ERC1: variants seen among roughly 807,000 people sequenced by gnomAD.
ERC1 encodes RAB6 interacting protein 2.
Under a neutral mutation model 132.0 loss-of-function variants are expected in ERC1, and 56 were observed. That is an observed-to-expected ratio of 0.42 (90% CI 0.34 to 0.53). ERC1 has a LOEUF of 0.53. Ranked by LOEUF, ERC1 falls within the 20% of genes least tolerant of loss-of-function variation. The pLI is 0.03. For missense variants in ERC1, 1,202 were observed against 1,349.9 expected (o/e 0.89, Z 1.72); for synonymous variants, 478 against 476.1 (o/e 1.00, Z -0.05).
intron 2 of ERC1, among the ~76,000 whole-genome samples, chr12:1,039,296 C>T (rs1370411583): frequency 1.3e-5 from 2 of 149,410 alleles, no homozygotes; most frequent in Non-Finnish European, 3.0e-5. Flanking sequence ...GAAATCGCAC[C>T]ACTGCACTCC....
chr12:1,078,550 G>A (rs1293979034), intron 2 of ERC1, among the ~76,000 whole-genome samples: 1 of 151,346 alleles, frequency 6.6e-6, no homozygotes, highest in Non-Finnish European at 1.5e-5. Context: ...TACCCAAACC[G>A]GAAATGATAA....
chr12:1,247,072 TGAGCCCAG>T (rs2076199851), intron 13 of ERC1, among the ~76,000 whole-genome samples: 3 of 144,872 alleles, frequency 2.1e-5, no homozygotes, highest in Non-Finnish European at 4.5e-5. Flanking sequence ...GAGGTTGCAG[TGAGCCCAG>T]GAGTTTGAGG....
chr12:1,262,001 A>G (rs2077173651), intron 13 of ERC1, among the ~76,000 whole-genome samples: 1 of 152,232 alleles, frequency 6.6e-6, no homozygotes, highest in Admixed American at 6.5e-5. Context: ...TTTTGAAGGT[A>G]CAGTTGTCAA....
chr12:1,304,396 G>C (rs922670227), intron 15 of ERC1, among the ~76,000 whole-genome samples: 3 of 152,198 alleles, frequency 2.0e-5, no homozygotes, highest in African/African-American at 7.2e-5. Flanking sequence ...ACTCACATCT[G>C]TTAGGCTAGA....
intron 15 of ERC1, among the ~76,000 whole-genome samples, chr12:1,307,025 C>CCCTA (rs2080934537): frequency 6.6e-6 from 1 of 152,112 alleles, no homozygotes; most frequent in Admixed American, 6.6e-5. Context: ...GCAAGTGAGG[C>CCCTA]CCTAGAGACT....
intron 18 of ERC1, among the ~76,000 whole-genome samples, chr12:1,473,877 T>C (rs80162046): frequency 2.2e-4 from 33 of 152,270 alleles, no homozygotes; most frequent in African/African-American, 7.9e-4. Context: ...ACCAGATGCC[T>C]GTAGAAAAAT....
chr12:1,475,814 G>C (rs2093958758), intron 18 of ERC1, among the ~76,000 whole-genome samples: 2 of 152,106 alleles, frequency 1.3e-5, no homozygotes, highest in Non-Finnish European at 2.9e-5. Flanking sequence ...CTTGAATTAG[G>C]ATTGTTAACA....
chr12:1,441,757 A>G (rs1284682613), intron 17 of ERC1, among the ~76,000 whole-genome samples: 1 of 152,212 alleles, frequency 6.6e-6, no homozygotes, highest in African/African-American at 2.4e-5. Context: ...CTTTTAAAAA[A>G]TGAGGAATGA....
intron 7 of ERC1, among the ~76,000 whole-genome samples, chr12:1,119,126 G>A (rs981051527): frequency 2.0e-5 from 3 of 152,124 alleles, no homozygotes; most frequent in Non-Finnish European, 2.9e-5. Flanking sequence ...CAATCCTCCT[G>A]CCTCTGCCTC....
At chr12:1,198,887 C>A (rs111983059) in intron 12 of ERC1, among the ~76,000 whole-genome samples, 115 of 149,714 alleles carry the variant, frequency 7.7e-4, no homozygotes, top group African/African-American at 2.7e-3. Context: ...GACAAACCAC[C>A]GTCATGATCC....
At chr12:1,092,887 G>A (rs1054041224) in intron 3 of ERC1, among the ~76,000 whole-genome samples, 20 of 152,208 alleles carry the variant, frequency 1.3e-4, no homozygotes, top group African/African-American at 4.6e-4. Context: ...CTTCAACCCA[G>A]GAGGCGGAGG....
chr12:1,441,411 T>G (rs1012771766), intron 17 of ERC1, among the ~76,000 whole-genome samples: 10 of 152,226 alleles, frequency 6.6e-5, no homozygotes, highest in Non-Finnish European at 1.3e-4. Flanking sequence ...GCATCCGCAG[T>G]CATAGTGGTT....
intron 2 of ERC1, among the ~76,000 whole-genome samples, chr12:1,068,647 ATTTTGTT>A (rs1407857297): frequency 6.6e-6 from 1 of 150,488 alleles, no homozygotes. Flanking sequence ...TTTATTGATA[ATTTTGTT>A]TTTTAAGTGA....
At chr12:1,222,184 T>C (rs2154295815) in intron 12 of ERC1, among the ~76,000 whole-genome samples, 1 of 152,150 alleles carries the variant, frequency 6.6e-6, no homozygotes, top group Non-Finnish European at 1.5e-5. Flanking sequence ...CAAAGCATTA[T>C]CATCATGTGC....
intron 14 of ERC1, among the ~76,000 whole-genome samples, chr12:1,267,073 C>CTA (rs2077528833): frequency 6.6e-6 from 1 of 152,226 alleles, no homozygotes; most frequent in Non-Finnish European, 1.5e-5. Flanking sequence ...GATCCCCTTA[C>CTA]AGTTTATTTA....
chr12:1,120,544 G>A (rs1453761935), intron 7 of ERC1, among the ~76,000 whole-genome samples: 1 of 152,140 alleles, frequency 6.6e-6, no homozygotes, highest in Non-Finnish European at 1.5e-5. Flanking sequence ...ATCATTTACA[G>A]TATTCTCAAG....
chr12:1,304,836 C>T (rs1318882281), intron 15 of ERC1, among the ~76,000 whole-genome samples: 19 of 123,232 alleles, frequency 1.5e-4, no homozygotes, highest in South Asian at 5.8e-4. Context: ...GCTGCCCGGG[C>T]TGGAGTACAG....
intron 12 of ERC1, among the ~76,000 whole-genome samples, chr12:1,216,008 T>C (rs1958371838): frequency 6.6e-6 from 1 of 152,194 alleles, no homozygotes; most frequent in Non-Finnish European, 1.5e-5. Flanking sequence ...ATCTTATTGG[T>C]TAAAGACTAT....
chr12:1,101,389 G>A (rs956201882), intron 3 of ERC1, among the ~76,000 whole-genome samples: 6 of 152,144 alleles, frequency 3.9e-5, no homozygotes, highest in African/African-American at 7.2e-5. Context: ...AGTGTGTTAC[G>A]CCGACATCAC....
Sources: gnomAD v4.1 joint callset for allele counts (sites outside exome capture counted in the v4.1 genomes callset) on GRCh38, gnomAD v4.1.1 for gene constraint, MANE v1.5 for transcripts, NCBI Gene and HGNC (gene_info 2026-07-23, HGNC 2026-07-21) for gene names.